The following CADM2 variants were observed in gnomAD, a reference collection of about 807,000 sequenced individuals.
The protein encoded by CADM2 is immunoglobulin superfamily member 4D.
CADM2 carries 12 observed loss-of-function variants against 49.8 expected under a neutral mutation model. That is an observed-to-expected ratio of 0.24 (90% CI 0.15 to 0.39). The LOEUF is 0.39. Ranked by LOEUF, CADM2 falls within the 10% of genes least tolerant of loss-of-function variation. The pLI, the probability that CADM2 is intolerant of heterozygous loss-of-function variation, is 1.00. For synonymous variants in CADM2, 214 were observed against 175.4 expected (o/e 1.22, Z -1.74); for missense variants, 378 against 492.3 (o/e 0.77, Z 2.20).
chr3:85,077,810 T>C (rs553927338), intron 1 of CADM2, among the ~76,000 whole-genome samples: 1 of 152,104 alleles, frequency 6.6e-6, no homozygotes, highest in Admixed American at 6.6e-5. Flanking sequence ...AACAGATTAT[T>C]ATCTAATGAA....
intron 2 of CADM2, among the ~76,000 whole-genome samples, chr3:85,760,839 T>A: frequency 6.6e-6 from 1 of 152,212 alleles, no homozygotes; most frequent in East Asian, 1.9e-4. Context: ...TTATTCAAAT[T>A]TCTTTAAAAT....
chr3:85,104,245 C>T (rs1169642027), intron 1 of CADM2, among the ~76,000 whole-genome samples: 1 of 151,110 alleles, frequency 6.6e-6, no homozygotes, highest in Non-Finnish European at 1.5e-5. Flanking sequence ...GGAAGGGATC[C>T]AGTTTCAGCT....
At chr3:85,375,764 G>C (rs1038652933) in intron 1 of CADM2, among the ~76,000 whole-genome samples, 5 of 152,020 alleles carry the variant, frequency 3.3e-5, no homozygotes, top group African/African-American at 1.2e-4. Flanking sequence ...TTCATGACTT[G>C]GTTCCCAATT....
intron 5 of CADM2, among the ~76,000 whole-genome samples, chr3:85,887,781 G>T (rs943678826): frequency 2.0e-5 from 3 of 152,120 alleles, no homozygotes; most frequent in African/African-American, 7.2e-5. Context: ...TCTAGGATAT[G>T]TTAGTCTAGG....
intron 1 of CADM2, among the ~76,000 whole-genome samples, chr3:85,606,794 C>CT (rs1158385679): frequency 4.0e-5 from 6 of 151,020 alleles, no homozygotes; most frequent in South Asian, 2.1e-4. Flanking sequence ...AATATCCTGG[C>CT]TTTTTTTTTC....
chr3:85,536,937 CTT>C (rs1171654375), intron 1 of CADM2, among the ~76,000 whole-genome samples: 1 of 151,826 alleles, frequency 6.6e-6, no homozygotes, highest in Non-Finnish European at 1.5e-5. Context: ...AGCCAGCAGT[CTT>C]TTCACAGCAT....
Position 86,066,922 on chromosome 3 carries a change from T to C in CADM2, c.*139T>C, listed in dbSNP as rs565644100. The C allele has an allele frequency of 1.5e-5, 10 of 663,902 alleles. No homozygotes were observed. Among genetic ancestry groups the C allele is most frequent in the African/African-American group, 7.2e-5 (4 of 55,466 alleles). The allele number at this position is 663,902 out of a possible 1,614,324, so 41.1% of individuals were successfully genotyped here. On this transcript the variant is annotated 3_prime_UTR_variant, in exon 10 of 10. Transcript: ENST00000383699. ...TGTACTGCTATCAGTAGCCAGTGTA[T>C]ACCAACAATCAGCTGTTGAAAGCAT...
intron 8 of CADM2, among the ~76,000 whole-genome samples, chr3:86,045,538 C>T (rs545860756): frequency 1.1e-4 from 17 of 152,154 alleles, no homozygotes; most frequent in Non-Finnish European, 2.2e-4. Context: ...AATTGAACCA[C>T]ATAAGCAGAT....
intron 3 of CADM2, among the ~76,000 whole-genome samples, chr3:85,843,262 C>A (rs1484208902): frequency 1.3e-5 from 2 of 152,018 alleles, no homozygotes; most frequent in African/African-American, 2.4e-5. Flanking sequence ...ATTTTGCTTT[C>A]TTTGCTGACT....
At chr3:85,153,372 T>A (rs2039995518) in intron 1 of CADM2, among the ~76,000 whole-genome samples, 1 of 152,174 alleles carries the variant, frequency 6.6e-6, no homozygotes, top group South Asian at 2.1e-4. Context: ...ACTGCACTTT[T>A]CTGATGGTCT....
intron 8 of CADM2, chr3:86,013,321 A>C (rs1275048489): frequency 6.5e-7 from 1 of 1,545,460 alleles, no homozygotes; most frequent in African/African-American, 1.4e-5. Flanking sequence ...GAAGAGAAGG[A>C]AAACAAAGAA....
At chr3:85,081,733 A>G (rs2107501411) in intron 1 of CADM2, among the ~76,000 whole-genome samples, 1 of 152,278 alleles carries the variant, frequency 6.6e-6, no homozygotes, top group East Asian at 1.9e-4. Context: ...GCATCGAGGA[A>G]GAGGCCGGCA....
chr3:85,831,344 C>G (rs998873253), intron 3 of CADM2, among the ~76,000 whole-genome samples: 4 of 152,040 alleles, frequency 2.6e-5, no homozygotes, highest in South Asian at 2.1e-4. Flanking sequence ...CAGATACATA[C>G]CCAGTAATGG....
intron 1 of CADM2, among the ~76,000 whole-genome samples, chr3:85,112,112 G>A (rs1703216355): frequency 6.6e-6 from 1 of 151,786 alleles, no homozygotes; most frequent in African/African-American, 2.4e-5. Flanking sequence ...CAAAGTTATA[G>A]ATCAAGGTGC....
chr3:85,811,304 T>C (rs1436467865), intron 3 of CADM2, among the ~76,000 whole-genome samples: 1 of 152,224 alleles, frequency 6.6e-6, no homozygotes, highest in African/African-American at 2.4e-5. Context: ...TTTTAAAAGT[T>C]ATTGGCCATT....
intron 1 of CADM2, among the ~76,000 whole-genome samples, chr3:85,411,211 G>A (rs532547137): frequency 1.3e-5 from 2 of 152,238 alleles, no homozygotes; most frequent in Non-Finnish European, 2.9e-5. Context: ...CAGAAAAGAG[G>A]TTACTCTAGG....
At chr3:85,352,014 T>G (rs1296847933) in intron 1 of CADM2, among the ~76,000 whole-genome samples, 1 of 152,112 alleles carries the variant, frequency 6.6e-6, no homozygotes, top group Admixed American at 6.6e-5. Flanking sequence ...ACTGTTTAAG[T>G]CATATATTGC....
At chr3:84,990,475 G>A (rs1032136168) in intron 1 of CADM2, among the ~76,000 whole-genome samples, 4 of 151,562 alleles carry the variant, frequency 2.6e-5, no homozygotes, top group Non-Finnish European at 5.9e-5. Context: ...TTTCTTTCCT[G>A]CATTAAAAAA....
intron 1 of CADM2, among the ~76,000 whole-genome samples, chr3:85,290,653 T>C (rs1373194398): frequency 3.9e-5 from 6 of 152,182 alleles, no homozygotes; most frequent in Non-Finnish European, 8.8e-5. Flanking sequence ...GCTGCCTAAC[T>C]GGGAGGCACC....
Sources: allele counts gnomAD v4.1 joint callset (sites outside exome capture counted in the v4.1 genomes callset), GRCh38; gene constraint gnomAD v4.1.1; transcripts MANE v1.5; gene names NCBI Gene and HGNC (gene_info 2026-07-23, HGNC 2026-07-21).